PRKG1: variants seen among roughly 807,000 people sequenced by gnomAD.
The protein encoded by PRKG1 is protein kinase cGMP-dependent 1, also known as cGMP-dependent protein kinase 1.
PRKG1 carries 35 observed loss-of-function variants against 88.1 expected under a neutral mutation model. The observed-to-expected ratio is 0.40, with a 90% CI of 0.30 to 0.53. The LOEUF (loss-of-function observed/expected upper bound fraction) is 0.53. PRKG1 is among the 20% of genes least tolerant of loss of function. PRKG1 has a pLI of 0.59. For synonymous variants in PRKG1, 303 were observed against 292.5 expected (o/e 1.04, Z -0.37); for missense variants, 540 against 839.8 (o/e 0.64, Z 4.41).
intron 2 of PRKG1, among the ~76,000 whole-genome samples, chr10:51,303,662 G>T (rs10996701): frequency 0.38 from 58,341 of 151,616 alleles, 11,385 homozygotes; most frequent in Middle Eastern, 0.49. Flanking sequence ...TTTTGGAGAA[G>T]ATAATAATAT....
At chr10:51,303,888 TC>T (rs2132245162) in intron 2 of PRKG1, among the ~76,000 whole-genome samples, 1 of 152,214 alleles carries the variant, frequency 6.6e-6, no homozygotes, top group Admixed American at 6.5e-5. Context: ...TGGTGTGATC[TC>T]AGCTCACCGC....
chr10:51,640,380 AT>A (rs202229658), intron 3 of PRKG1, among the ~76,000 whole-genome samples: 1 of 152,148 alleles, frequency 6.6e-6, no homozygotes, highest in Admixed American at 6.5e-5. Flanking sequence ...TCAACACCTG[AT>A]TTTTTTAAAA....
intron 9 of PRKG1, among the ~76,000 whole-genome samples, chr10:52,174,636 T>C (rs763134920): frequency 7.2e-5 from 11 of 152,022 alleles, no homozygotes; most frequent in Non-Finnish European, 1.5e-4. Context: ...TCTCTATTGC[T>C]CATGTTTTTG....
At chr10:51,245,189 A>C (rs1191681397) in intron 2 of PRKG1, 5 of 152,004 alleles carry the variant, frequency 3.3e-5, no homozygotes, top group African/African-American at 1.2e-4. Flanking sequence ...CACACATTTT[A>C]CTAAATTAGA....
intron 10 of PRKG1, among the ~76,000 whole-genome samples, chr10:52,261,433 C>T (rs1841429360): frequency 6.6e-6 from 1 of 151,806 alleles, no homozygotes; most frequent in Non-Finnish European, 1.5e-5. Context: ...CTTTTCTATC[C>T]TCCTTTCTTT....
intron 5 of PRKG1, chr10:51,909,506 C>G (rs1447271050): frequency 6.6e-6 from 1 of 151,754 alleles, no homozygotes; most frequent in African/African-American, 2.4e-5. Flanking sequence ...GACATATGAG[C>G]ACAAAAATAC....
chr10:51,605,608 A>G (rs553763643), intron 3 of PRKG1, among the ~76,000 whole-genome samples: 1 of 152,344 alleles, frequency 6.6e-6, no homozygotes, highest in Non-Finnish European at 1.5e-5. Flanking sequence ...TCTGGGTACA[A>G]GAGAGTGTAA....
At chr10:51,525,724 G>T (rs1290097820) in intron 3 of PRKG1, among the ~76,000 whole-genome samples, 1 of 151,520 alleles carries the variant, frequency 6.6e-6, no homozygotes, top group African/African-American at 2.4e-5. Flanking sequence ...AAAAAGAAAA[G>T]AAATGTGCAG....
At chr10:51,106,071 A>G (rs1334612310) in intron 1 of PRKG1, among the ~76,000 whole-genome samples, 2 of 152,208 alleles carry the variant, frequency 1.3e-5, no homozygotes, top group African/African-American at 2.4e-5. Flanking sequence ...TTGTTAGGTG[A>G]GCGCCCTAGA....
intron 3 of PRKG1, among the ~76,000 whole-genome samples, chr10:51,553,939 A>G (rs1002282744): frequency 2.3e-5 from 3 of 130,738 alleles, no homozygotes; most frequent in African/African-American, 9.0e-5. Flanking sequence ...TATGTATTAG[A>G]TACGTGTATA....
At chr10:51,640,376 C>G (rs1006510796) in intron 3 of PRKG1, among the ~76,000 whole-genome samples, 1 of 152,148 alleles carries the variant, frequency 6.6e-6, no homozygotes, top group Non-Finnish European at 1.5e-5. Context: ...TCTCTCAACA[C>G]CTGATTTTTT....
chr10:51,855,525 C>G (rs1299972680), intron 4 of PRKG1, among the ~76,000 whole-genome samples: 1 of 152,140 alleles, frequency 6.6e-6, no homozygotes, highest in African/African-American at 2.4e-5. Flanking sequence ...ACTTCTATGT[C>G]CAGCACAATC....
intron 3 of PRKG1, among the ~76,000 whole-genome samples, chr10:51,509,526 T>C (rs1177532155): frequency 2.6e-5 from 4 of 152,120 alleles, no homozygotes; most frequent in African/African-American, 9.7e-5. Context: ...AGCACTAATA[T>C]CTCTTTTCTT....
intron 3 of PRKG1, among the ~76,000 whole-genome samples, chr10:51,472,021 G>A (rs1384773254): frequency 1.3e-5 from 2 of 151,678 alleles, no homozygotes; most frequent in African/African-American, 4.8e-5. Flanking sequence ...TAATGCCAAA[G>A]AGCCTAAAAA....
chr10:52,057,173 A>G (rs566397884), intron 6 of PRKG1, among the ~76,000 whole-genome samples: 115 of 152,364 alleles, frequency 7.5e-4, no homozygotes, highest in Non-Finnish European at 1.3e-3. Flanking sequence ...CTGCCAAGCT[A>G]CAAATGAAAT....
chr10:51,214,229 A>G (rs1838311920), intron 2 of PRKG1, among the ~76,000 whole-genome samples: 1 of 152,182 alleles, frequency 6.6e-6, no homozygotes, highest in Non-Finnish European at 1.5e-5. Context: ...TGATTCCTTA[A>G]TAGCCTCTTT....
At chr10:52,104,264 G>A (rs1014627541) in intron 7 of PRKG1, among the ~76,000 whole-genome samples, 10 of 151,756 alleles carry the variant, frequency 6.6e-5, no homozygotes, top group African/African-American at 1.9e-4. Flanking sequence ...TAGATAAAAT[G>A]CATTTAACTT....
intron 2 of PRKG1, among the ~76,000 whole-genome samples, chr10:51,163,810 G>C (rs1053891736): frequency 6.6e-6 from 1 of 152,198 alleles, no homozygotes; most frequent in Non-Finnish European, 1.5e-5. Flanking sequence ...AGCAGTCTGA[G>C]ATCAAACTGC....
In PRKG1 at chr10:51,648,039, TACACACAC is replaced by T. The variant is rs3087021; in HGVS notation, c.593-156526_593-156519del. 1.9e-3 allele frequency among the ~76,000 whole-genome samples: 286 copies of T among 149,390 alleles called. 2 individuals are homozygous for T. The highest frequency in any genetic ancestry group is 0.012 in the South Asian group (56 of 4,768). On this transcript the variant is annotated intron_variant, in intron 3 of 17. Transcript: ENST00000373980. ...AGAAATTACATTTTCTGGTTACACATACACACACACACACACACACACACACATATGTA... is the reference window on the plus strand; with the variant it reads ...AGAAATTACATTTTCTGGTTACACATACACACACACACACACACATATGTA...
Sources: allele counts gnomAD v4.1 joint callset (sites outside exome capture counted in the v4.1 genomes callset), GRCh38; gene constraint gnomAD v4.1.1; transcripts MANE v1.5; gene names NCBI Gene and HGNC (gene_info 2026-07-23, HGNC 2026-07-21).